Variants in FIP1L1 observed in about 807,000 individuals in gnomAD.
FIP1L1 encodes the protein pre-mRNA 3'-end-processing factor FIP1.
In FIP1L1, 21 loss-of-function variants were observed where a neutral mutation model predicts 84.6. The ratio of observed to expected loss-of-function variants is 0.25; its 90% CI spans 0.18 to 0.36. FIP1L1 has a LOEUF of 0.36. FIP1L1 is among the 10% of genes least tolerant of loss of function. The probability of loss-of-function intolerance (pLI) is 1.00; values close to 1 mark genes in which losing one functional copy is unlikely to be tolerated. For missense variants in FIP1L1, 526 were observed against 751.1 expected, an observed-to-expected ratio of 0.70 and a Z score of 3.50; for synonymous variants, 263 against 242.3, an observed-to-expected ratio of 1.09 and a Z score of -0.80.
intron 15 of FIP1L1, among the ~76,000 whole-genome samples, chr4:53,447,966 T>G (rs1774907733): frequency 6.6e-6 from 1 of 152,084 alleles, no homozygotes; most frequent in Non-Finnish European, 1.5e-5. Flanking sequence ...TTTTGCAGTA[T>G]TTTGGATTTT....
chr4:53,450,366 T>C (rs2150355995), intron 15 of FIP1L1, among the ~76,000 whole-genome samples: 1 of 152,362 alleles, frequency 6.6e-6, no homozygotes, highest in South Asian at 2.1e-4. Flanking sequence ...ACTTCTAACT[T>C]AAATTGCGTG....
intron 10 of FIP1L1, among the ~76,000 whole-genome samples, chr4:53,405,617 A>G (rs1578407560): frequency 6.9e-6 from 1 of 145,680 alleles, no homozygotes; most frequent in East Asian, 2.0e-4. Flanking sequence ...CATTTTCACG[A>G]TATTGATTCT....
At position 53,390,991 on chromosome 4, in the gene FIP1L1, G is replaced by C; in HGVS notation, c.506-18G>C. ...AGAGCTGAAATATTTGTACACTAAA[G>C]TTGTGTTTTATCTTTAGGTGCTGAT... On this transcript the variant is annotated intron_variant, in intron 7 of 17. Transcript: ENST00000337488. The C allele has an allele frequency of 6.4e-7, 1 of 1,567,800 alleles. No individual in the cohort carries two copies. Among genetic ancestry groups the C allele is most frequent in the Non-Finnish European group, 8.6e-7 (1 of 1,160,972 alleles).
chr4:53,444,427 C>A (rs1044546239), intron 15 of FIP1L1, among the ~76,000 whole-genome samples: 1 of 152,196 alleles, frequency 6.6e-6, no homozygotes, highest in African/African-American at 2.4e-5. Context: ...TTATGGCACA[C>A]ACCTAACCTT....
At chr4:53,448,072 A>G (rs1774949255) in intron 15 of FIP1L1, among the ~76,000 whole-genome samples, 1 of 152,110 alleles carries the variant, frequency 6.6e-6, no homozygotes, top group Non-Finnish European at 1.5e-5. Context: ...TATTTGGAAC[A>G]TGCCTTTCTC....
chr4:53,410,071 C>T (rs1232138806), intron 10 of FIP1L1, among the ~76,000 whole-genome samples: 3 of 152,208 alleles, frequency 2.0e-5, no homozygotes, highest in East Asian at 1.9e-4. Context: ...AGAAATCACC[C>T]GTCTTCTGCG....
chr4:53,441,839 A>C (rs1772069915), intron 13 of FIP1L1, among the ~76,000 whole-genome samples: 1 of 151,970 alleles, frequency 6.6e-6, no homozygotes, highest in African/African-American at 2.4e-5. Flanking sequence ...AATTTAGTGC[A>C]TTTCCTAGTA....
intron 10 of FIP1L1, among the ~76,000 whole-genome samples, chr4:53,401,304 G>C (rs1227423849): frequency 6.6e-6 from 1 of 152,164 alleles, no homozygotes; most frequent in East Asian, 1.9e-4. Flanking sequence ...TGTAAGGGCT[G>C]TGTGCCATTA....
At chr4:53,452,650 A>T (rs975045104) in intron 15 of FIP1L1, among the ~76,000 whole-genome samples, 1 of 152,136 alleles carries the variant, frequency 6.6e-6, no homozygotes, top group Non-Finnish European at 1.5e-5. Context: ...GTCCCAGTGT[A>T]TTCTGGTTTC....
At chr4:53,420,293 G>C (rs572125108) in intron 11 of FIP1L1, among the ~76,000 whole-genome samples, 1 of 150,368 alleles carries the variant, frequency 6.7e-6, no homozygotes, top group African/African-American at 2.4e-5. Context: ...ATAGCTGGGC[G>C]TGGTAGCATG....
At chr4:53,392,306 A>G (rs1466652867) in intron 9 of FIP1L1, among the ~76,000 whole-genome samples, 2 of 152,256 alleles carry the variant, frequency 1.3e-5, no homozygotes, top group African/African-American at 2.4e-5. Context: ...TGGACTGGAA[A>G]GAGACCACTG....
Position 53,452,565 on chromosome 4 carries a change from C to T in FIP1L1, c.1286-355C>T, listed in dbSNP as rs1372368872. Among the ~76,000 whole-genome samples, 11 of 152,180 alleles carry T rather than the reference C, an allele frequency of 7.2e-5. No homozygotes were observed. The East Asian group carries it at 9.6e-4, about 13-fold the overall frequency. On this transcript the variant is annotated intron_variant, in intron 15 of 17. Coordinates refer to ENST00000337488, the MANE Select transcript of FIP1L1 (RefSeq NM_030917.4). ...AACTCCTAGCCTCAAGTTATCTGCC[C>T]GCCTTGGCTTCCCAAAGCGTTGGGA...
At chr4:53,393,772 C>A (rs1578237534) in intron 9 of FIP1L1, among the ~76,000 whole-genome samples, 1 of 63,126 alleles carries the variant, frequency 1.6e-5, no homozygotes, top group African/African-American at 1.1e-4. Flanking sequence ...CGGCCCCCCC[C>A]CCCCCCCCCG....
At chr4:53,385,321 G>A (rs1282182608) in intron 5 of FIP1L1, among the ~76,000 whole-genome samples, 1 of 151,968 alleles carries the variant, frequency 6.6e-6, no homozygotes, top group Non-Finnish European at 1.5e-5. Context: ...ATTATGGATG[G>A]GACCTTTTTT....
intron 11 of FIP1L1, among the ~76,000 whole-genome samples, chr4:53,415,176 G>A (rs1441628127): frequency 6.6e-6 from 1 of 152,140 alleles, no homozygotes; most frequent in African/African-American, 2.4e-5. Context: ...TCATTAAGCA[G>A]ACGTAGTAGC....
Position 53,458,676 on chromosome 4 carries a change from G to A in FIP1L1, c.1523G>A (p.Arg508Lys), listed in dbSNP as rs772971300. The A allele has an allele frequency of 6.2e-7, 1 of 1,612,846 alleles. No individual in the cohort carries two copies. Among genetic ancestry groups the A allele is most frequent in the South Asian group, 1.1e-5 (1 of 90,944 alleles). The change falls in exon 17 of 18, where the codon AGG becomes AAG. Residue 508 changes from arginine to lysine, a missense_variant. Physicochemically the swap from Arg to Lys is conservative, Grantham distance 26. Transcript: ENST00000337488. ...AGCGATGAAGAACGATACAGATACAGGGAATATGCAGAAAGAGGTTATGAG... is the reference window on the plus strand; with the variant it reads ...AGCGATGAAGAACGATACAGATACAAGGAATATGCAGAAAGAGGTTATGAG... ...FNSDEERYRYREYAERGYERH... is the reference protein window; with the variant it reads ...FNSDEERYRYKEYAERGYERH...
chr4:53,423,213 G>A lies in FIP1L1; in HGVS notation c.924-2659G>A, dbSNP rs142506146. On this transcript the variant is annotated intron_variant, in intron 11 of 17. Transcript: ENST00000337488. Reference sequence around the variant, plus strand: ...CAGGAGGGGAGGTAGAGGCTCTTGGGAACATTTACTGCCTGTTTAAACTGT... The same window carrying A: ...CAGGAGGGGAGGTAGAGGCTCTTGGAAACATTTACTGCCTGTTTAAACTGT... Among the ~76,000 whole-genome samples, 87 of 152,196 alleles carry A rather than the reference G, an allele frequency of 5.7e-4. 1 individual carries two copies. The East Asian group carries it at 0.014, about 24-fold the overall frequency.
At chr4:53,388,303 A>G (rs553527142) in intron 5 of FIP1L1, among the ~76,000 whole-genome samples, 34 of 152,018 alleles carry the variant, frequency 2.2e-4, no homozygotes, top group Middle Eastern at 6.8e-3. Flanking sequence ...TGTGAGAAAT[A>G]TATCATTATA....
intron 11 of FIP1L1, among the ~76,000 whole-genome samples, chr4:53,417,107 T>C (rs185267122): frequency 2.6e-5 from 4 of 152,354 alleles, no homozygotes. Flanking sequence ...ACTTTAGATA[T>C]AGTACTTTAC....
Sources: allele counts gnomAD v4.1 joint callset (sites outside exome capture counted in the v4.1 genomes callset), GRCh38; gene constraint gnomAD v4.1.1; transcripts MANE v1.5; gene names NCBI Gene and HGNC (gene_info 2026-07-23, HGNC 2026-07-21).